ASH1L: variants seen among roughly 807,000 people sequenced by gnomAD.
The protein encoded by ASH1L is histone-lysine N-methyltransferase ASH1L.
A neutral mutation model predicts 269.0 loss-of-function variants in ASH1L; 23 were observed. The ratio of observed to expected loss-of-function variants is 0.09; its 90% CI spans 0.06 to 0.12. ASH1L has a LOEUF of 0.12. Ranked by LOEUF, ASH1L falls within the 10% of genes least tolerant of loss-of-function variation. The probability of loss-of-function intolerance (pLI) is 1.00; values close to 1 mark genes in which losing one functional copy is unlikely to be tolerated. For missense variants in ASH1L, 2,912 were observed against 3,567.8 expected (o/e 0.82, Z 4.68); for synonymous variants, 1,187 against 1,253.5 (o/e 0.95, Z 1.12).
chr1:155,382,065 G>A (rs536250519), intron 7 of ASH1L, among the ~76,000 whole-genome samples: 20 of 152,004 alleles, frequency 1.3e-4, no homozygotes, highest in Admixed American at 1.2e-3. Context: ...AAATTAGCTG[G>A]GTGTGGTGGC....
chr1:155,457,728 C>CG (rs1663966385), intron 4 of ASH1L, among the ~76,000 whole-genome samples: 1 of 152,200 alleles, frequency 6.6e-6, no homozygotes, highest in Admixed American at 6.5e-5. Flanking sequence ...GCTCACTACT[C>CG]ACAGCAACCC....
At chr1:155,543,592 G>A (rs1475984036) in intron 1 of ASH1L, among the ~76,000 whole-genome samples, 1 of 150,768 alleles carries the variant, frequency 6.6e-6, no homozygotes, top group African/African-American at 2.4e-5. Context: ...TGACATAACT[G>A]GATATCCGTT....
intron 13 of ASH1L, 58 bp from the exon 14 acceptor site, chr1:155,357,807 G>C (rs1654547905): frequency 6.7e-7 from 1 of 1,489,286 alleles, no homozygotes; most frequent in African/African-American, 1.4e-5. Flanking sequence ...GGTCTTTCCT[G>C]TCACTCAGGC....
chr1:155,471,354 G>A (rs1039698461), intron 3 of ASH1L, among the ~76,000 whole-genome samples: 2 of 152,156 alleles, frequency 1.3e-5, no homozygotes, highest in Admixed American at 6.5e-5. Flanking sequence ...GATGGGGGCC[G>A]GTGACCAGAA....
Position 155,480,126 on chromosome 1 carries a change from G to A in ASH1L, c.2744C>T (p.Ala915Val), listed in dbSNP as rs939657824. 6.8e-6 allele frequency: 11 copies of A among 1,614,026 alleles called. No individual in the cohort carries two copies. Among genetic ancestry groups the A allele is most frequent in the Non-Finnish European group, 9.3e-6 (11 of 1,179,984 alleles). ...PPVLSVAPFVATESPSKLESE... is the reference protein window; with the variant it reads ...PPVLSVAPFVVTESPSKLESE... Reference sequence around the variant, plus strand: ...TTCTAGCTTGCTTGGACTTTCAGTGGCAACAAATGGAGCCACTGACAGTAC... The same window carrying A: ...TTCTAGCTTGCTTGGACTTTCAGTGACAACAAATGGAGCCACTGACAGTAC... Residue 915 changes from alanine (A) to valine (V), a missense_variant, in exon 3 of 28, where the codon GCC becomes GTC. By Grantham distance (64) the Ala-to-Val change is moderately conservative. This residue lies in a region of ASH1L where 715 missense variants were observed against 721.0 expected (regional missense o/e 0.99). Transcript: ENST00000392403.
chr1:155,553,561 C>T (rs1481487572), intron 1 of ASH1L, among the ~76,000 whole-genome samples: 2 of 152,110 alleles, frequency 1.3e-5, no homozygotes, highest in Non-Finnish European at 2.9e-5. Context: ...TGCAGATGAT[C>T]TCCCTCTACC....
At chr1:155,434,303 G>A (rs1203802194) in intron 5 of ASH1L, 18 of 1,568,574 alleles carry the variant, frequency 1.1e-5, no homozygotes, top group Non-Finnish European at 1.6e-5. Flanking sequence ...GGGGAGGGGA[G>A]GAGCTAGGGA....
intron 4 of ASH1L, among the ~76,000 whole-genome samples, chr1:155,454,698 G>A (rs1287581593): frequency 6.6e-6 from 1 of 152,188 alleles, no homozygotes; most frequent in African/African-American, 2.4e-5. Flanking sequence ...AACCTGGGAG[G>A]TGGAGGTTGC....
rs1365395610 is a variant in ASH1L at position 155,417,748 on chromosome 1, C to T, written c.5829-1825G>A. On this transcript the variant is annotated intron_variant, in intron 5 of 27. Transcript: ENST00000392403. ...CTGAGACAGGCGGATCACCTGAGGT[C>T]GGGAGTTCAAGACCAGCCTGACCAA... 3.3e-5 allele frequency among the ~76,000 whole-genome samples: 5 copies of T among 152,176 alleles called. No homozygotes were observed. The South Asian group carries it at 6.2e-4, about 19-fold the overall frequency.
intron 6 of ASH1L, among the ~76,000 whole-genome samples, chr1:155,410,674 T>C (rs1407462740): frequency 6.7e-6 from 1 of 149,320 alleles, no homozygotes; most frequent in Non-Finnish European, 1.5e-5. Context: ...ATTACAACAG[T>C]AGATACATGT....
At chr1:155,471,256 G>A (rs1235898388) in intron 3 of ASH1L, among the ~76,000 whole-genome samples, 1 of 152,184 alleles carries the variant, frequency 6.6e-6, no homozygotes, top group African/African-American at 2.4e-5. Flanking sequence ...CTGGTTCCTG[G>A]CACAGAGTTT....
At chr1:155,433,465 T>C in intron 5 of ASH1L, 1 of 1,610,518 alleles carries the variant, frequency 6.2e-7, no homozygotes, top group Non-Finnish European at 8.5e-7. Flanking sequence ...CCTCTCAGCC[T>C]GAGGGCGAAG....
At chr1:155,526,530 G>T (rs955212826) in intron 1 of ASH1L, among the ~76,000 whole-genome samples, 1 of 152,032 alleles carries the variant, frequency 6.6e-6, no homozygotes, top group African/African-American at 2.4e-5. Flanking sequence ...CACTAACTCC[G>T]AGTAAGCCCT....
At chr1:155,442,583 C>CA (rs1205815203) in intron 4 of ASH1L, among the ~76,000 whole-genome samples, 1,269 of 32,220 alleles carry the variant, frequency 0.039, 20 homozygotes, top group African/African-American at 0.07. Context: ...GACTCCATCT[C>CA]AAAAAAAAAA....
chr1:155,403,326 A>C (rs1659011238), intron 6 of ASH1L, among the ~76,000 whole-genome samples: 1 of 152,222 alleles, frequency 6.6e-6, no homozygotes, highest in South Asian at 2.1e-4. Flanking sequence ...TTTCAAAAAA[A>C]ACCAAAAAAA....
At chr1:155,471,926 T>G (rs1665131591) in intron 3 of ASH1L, among the ~76,000 whole-genome samples, 1 of 152,150 alleles carries the variant, frequency 6.6e-6, no homozygotes, top group Non-Finnish European at 1.5e-5. Flanking sequence ...AACATCCAAT[T>G]GGTGATAGAG....
At chr1:155,496,837 G>T (rs1436950641) in intron 2 of ASH1L, among the ~76,000 whole-genome samples, 1 of 151,654 alleles carries the variant, frequency 6.6e-6, no homozygotes, top group East Asian at 1.9e-4. Flanking sequence ...GAGAGGTGGG[G>T]GTCTCACTAT....
intron 6 of ASH1L, among the ~76,000 whole-genome samples, chr1:155,415,381 C>CA (rs371008148): frequency 0.057 from 3,235 of 56,484 alleles, 123 homozygotes; most frequent in East Asian, 0.14. Flanking sequence ...GACTCCGTCT[C>CA]AAAAAAAAAA....
chr1:155,534,768 C>T (rs72995166), intron 1 of ASH1L, among the ~76,000 whole-genome samples: 8,531 of 152,140 alleles, frequency 0.056, 808 homozygotes, highest in African/African-American at 0.2. Flanking sequence ...AAAAAGTTAA[C>T]GGAATTTTAT....
Sources: allele counts gnomAD v4.1 joint callset (sites outside exome capture counted in the v4.1 genomes callset), GRCh38; gene constraint gnomAD v4.1.1; regional missense constraint gnomAD v4.1.1; transcripts MANE v1.5; gene names NCBI Gene and HGNC (gene_info 2026-07-23, HGNC 2026-07-21).